The following EBF2 variants were observed in gnomAD, a reference collection of about 807,000 sequenced individuals.
EBF2 encodes the protein transcription factor COE2.
Under a neutral mutation model 72.8 loss-of-function variants are expected in EBF2, and 21 were observed. That is an observed-to-expected ratio of 0.29 (90% CI 0.20 to 0.42). The LOEUF is 0.42. EBF2 is among the 10% of genes least tolerant of loss of function. The pLI is 1.00. For synonymous variants in EBF2, 299 were observed against 274.2 expected (o/e 1.09, Z -0.89); for missense variants, 637 against 731.2 (o/e 0.87, Z 1.49).
intron 15 of EBF2, among the ~76,000 whole-genome samples, chr8:25,846,021 C>G (rs907380840): frequency 6.6e-6 from 1 of 152,156 alleles, no homozygotes; most frequent in African/African-American, 2.4e-5. Flanking sequence ...TGTCAGCTGT[C>G]TATTTCCCTG....
At chr8:26,019,378 G>A (rs139105112) in intron 6 of EBF2, among the ~76,000 whole-genome samples, 33 of 151,952 alleles carry the variant, frequency 2.2e-4, no homozygotes, top group African/African-American at 6.8e-4. Context: ...CAGGGAAAAC[G>A]CTCTGAAGAG....
chr8:26,021,731 T>G (rs1389777286), intron 6 of EBF2, among the ~76,000 whole-genome samples: 1 of 152,248 alleles, frequency 6.6e-6, no homozygotes, highest in Non-Finnish European at 1.5e-5. Flanking sequence ...TATTTATATT[T>G]AAGTAGCATC....
At chr8:26,038,961 G>A (rs901809699) in intron 5 of EBF2, among the ~76,000 whole-genome samples, 8 of 152,206 alleles carry the variant, frequency 5.3e-5, no homozygotes, top group African/African-American at 1.9e-4. Context: ...GGAGTTAGGA[G>A]ACATTGACTA....
At chr8:25,892,910 T>G (rs1436083346) in intron 7 of EBF2, among the ~76,000 whole-genome samples, 1 of 152,188 alleles carries the variant, frequency 6.6e-6, no homozygotes, top group Non-Finnish European at 1.5e-5. Flanking sequence ...ATTGTGTCCA[T>G]GTTAACATGT....
intron 10 of EBF2, among the ~76,000 whole-genome samples, chr8:25,866,629 ATATATAT>A (rs1802331567): frequency 1.9e-5 from 2 of 103,028 alleles, no homozygotes; most frequent in African/African-American, 9.5e-5. Flanking sequence ...TTATATATAT[ATATATAT>A]TTTTTTTTTT....
chr8:25,908,404 T>C, intron 7 of EBF2, 70 bp downstream of exon 7: 1 of 1,204,872 alleles, frequency 8.3e-7, no homozygotes. Flanking sequence ...AAAAAGAAAA[T>C]AAAAAGAGTG....
chr8:26,009,930 G>A (rs1804949421), intron 6 of EBF2, among the ~76,000 whole-genome samples: 1 of 152,136 alleles, frequency 6.6e-6, no homozygotes, highest in Admixed American at 6.5e-5. Flanking sequence ...TCATTTCACT[G>A]GACGCCCTCC....
chr8:25,855,719 GT>G lies in EBF2; in HGVS notation c.1528+2599del, dbSNP rs1334145426. 2.0e-5 allele frequency among the ~76,000 whole-genome samples: 3 copies of G among 152,294 alleles called. No homozygotes were observed. The East Asian group carries it at 5.8e-4, about 29-fold the overall frequency. ...CTAGAAATACAGGTCAGGTGCTATTGTAATGAACTCCACTGGGTATTCAGTA... is the reference window on the plus strand; with the variant it reads ...CTAGAAATACAGGTCAGGTGCTATTGAATGAACTCCACTGGGTATTCAGTA... On this transcript the variant is annotated intron_variant, in intron 14 of 15. Transcript: ENST00000520164.
chr8:26,025,292 G>C (rs1414905985), intron 6 of EBF2, among the ~76,000 whole-genome samples: 1 of 152,224 alleles, frequency 6.6e-6, no homozygotes, highest in Non-Finnish European at 1.5e-5. Context: ...TTGTGAATAC[G>C]TATTTTTTGT....
rs201270319 is a variant in EBF2, at chr8:26,044,897, A to G, written c.-38T>C. The G allele has an allele frequency of 6.5e-5, 104 of 1,609,748 alleles. No homozygotes were observed. Among genetic ancestry groups the G allele is most frequent in the Non-Finnish European group, 7.3e-5 (86 of 1,177,538 alleles). On this transcript the variant is annotated 5_prime_UTR_variant, in exon 1 of 16. Transcript: ENST00000520164. The surrounding 1 kb of genome is among the most constrained non-coding windows in gnomAD (Gnocchi z 4.1). ...ATCCTCTACTGTCGCTTTAAAAGTA[A>G]GAGTTACAACACAGTCCTGACTGTT...
intron 15 of EBF2, among the ~76,000 whole-genome samples, chr8:25,847,636 T>C (rs999494931): frequency 2.6e-5 from 4 of 152,122 alleles, no homozygotes; most frequent in African/African-American, 9.7e-5. Context: ...ATTTTCTATT[T>C]AACAGACTAG....
chr8:25,992,025 C>CTTTTTTTG (rs1804552344), intron 6 of EBF2, among the ~76,000 whole-genome samples: 2 of 151,272 alleles, frequency 1.3e-5, no homozygotes, highest in African/African-American at 4.8e-5. Flanking sequence ...TATGATGAAT[C>CTTTTTTTG]TTTTTTTGTT....
At chr8:25,865,315 CT>C (rs566100121) in intron 10 of EBF2, among the ~76,000 whole-genome samples, 1,565 of 152,090 alleles carry the variant, frequency 0.01, 39 homozygotes, top group African/African-American at 0.036. Flanking sequence ...TGGTATTTCA[CT>C]TTTTGTTTTT....
At chr8:25,984,520 A>C (rs1021322157) in intron 6 of EBF2, among the ~76,000 whole-genome samples, 13 of 152,204 alleles carry the variant, frequency 8.5e-5, no homozygotes, top group African/African-American at 2.9e-4. Context: ...CGTCTCTACC[A>C]AAAATTTAAA....
At chr8:25,888,029 T>G in intron 8 of EBF2, 57 bp from the exon 9 acceptor site, 5 of 1,534,272 alleles carry the variant, frequency 3.3e-6, no homozygotes, top group African/African-American at 1.4e-5. Flanking sequence ...TCCAACTTTT[T>G]GGCTTCCCAG....
chr8:25,896,441 C>T (rs1007659889), intron 7 of EBF2, among the ~76,000 whole-genome samples: 2 of 152,136 alleles, frequency 1.3e-5, no homozygotes, highest in Admixed American at 6.5e-5. Context: ...TGCATACACT[C>T]AGCTAAATAA....
chr8:25,988,516 T>G (rs894076815), intron 6 of EBF2, among the ~76,000 whole-genome samples: 1 of 152,234 alleles, frequency 6.6e-6, no homozygotes, highest in Admixed American at 6.5e-5. Flanking sequence ...ACAAGGGAAC[T>G]AGGAGGCTCA....
intron 6 of EBF2, among the ~76,000 whole-genome samples, chr8:25,927,337 A>C (rs60945436): frequency 0.16 from 23,629 of 150,012 alleles, 2,088 homozygotes; most frequent in African/African-American, 0.22. Flanking sequence ...ATATATCTAG[A>C]TATCATATAT....
chr8:25,995,544 T>C (rs1458043942), intron 6 of EBF2, among the ~76,000 whole-genome samples: 1 of 152,142 alleles, frequency 6.6e-6, no homozygotes, highest in East Asian at 1.9e-4. Flanking sequence ...GTATGCTATT[T>C]AAAAGAACAC....
Sources: allele counts gnomAD v4.1 joint callset (sites outside exome capture counted in the v4.1 genomes callset), GRCh38; gene constraint gnomAD v4.1.1; non-coding constraint Gnocchi (gnomAD v3.1); transcripts MANE v1.5; gene names NCBI Gene and HGNC (gene_info 2026-07-23, HGNC 2026-07-21).